Variants in DOCK8 observed in about 807,000 individuals in gnomAD.
DOCK8 encodes the protein dedicator of cytokinesis protein 8.
Under a neutral mutation model 245.6 loss-of-function variants are expected in DOCK8, and 141 were observed. That is an observed-to-expected ratio of 0.57 (90% CI 0.50 to 0.66). The LOEUF (loss-of-function observed/expected upper bound fraction) is 0.66, where lower values mean the gene tolerates loss of function less well. DOCK8 is among the 30% of genes least tolerant of loss of function. The pLI is 0.00. For synonymous variants in DOCK8, 1,168 were observed against 970.2 expected (o/e 1.20, Z -3.79); for missense variants, 2,965 against 2,603.4 (o/e 1.14, Z -3.02).
At chr9:241,841 A>G (rs973526941) in intron 1 of DOCK8, among the ~76,000 whole-genome samples, 6 of 152,134 alleles carry the variant, frequency 3.9e-5, no homozygotes, top group Non-Finnish European at 8.8e-5. Flanking sequence ...TTATTTTGTT[A>G]AAGATGGAGT....
chr9:400,827 T>TCACCACCACCTC (rs2054959026), intron 26 of DOCK8, among the ~76,000 whole-genome samples: 1 of 3,098 alleles, frequency 3.2e-4, no homozygotes, highest in Non-Finnish European at 5.3e-4. Flanking sequence ...ACCTCCACCA[T>TCACCACCACCTC]CACCATCACC....
intron 24 of DOCK8, among the ~76,000 whole-genome samples, chr9:395,158 C>T (rs1441207229): frequency 6.6e-6 from 1 of 152,104 alleles, no homozygotes; most frequent in Non-Finnish European, 1.5e-5. Context: ...CAGGTGCATG[C>T]GGCCTTGTGG....
chr9:279,165 A>C (rs527582831), intron 2 of DOCK8, among the ~76,000 whole-genome samples: 1 of 152,218 alleles, frequency 6.6e-6, no homozygotes, highest in East Asian at 1.9e-4. Flanking sequence ...CACCTGGGCA[A>C]TTGGTGGACT....
At chr9:452,367 A>G (rs1378120536) in intron 46 of DOCK8, 4 of 282,946 alleles carry the variant, frequency 1.4e-5, no homozygotes, top group African/African-American at 6.6e-5. Context: ...TGAACTACTA[A>G]TGAGTAACTA....
intron 23 of DOCK8, among the ~76,000 whole-genome samples, 200 bp from the exon 24 acceptor site, chr9:390,271 T>C (rs2054131278): frequency 6.6e-6 from 1 of 152,198 alleles, no homozygotes; most frequent in South Asian, 2.1e-4. Flanking sequence ...CCCAGCCTTC[T>C]ATGCACCGAA....
At chr9:338,970 G>A (rs775695943) in intron 12 of DOCK8, 36 bp from the exon 13 acceptor site, 1 of 1,564,884 alleles carries the variant, frequency 6.4e-7, no homozygotes, top group African/African-American at 1.3e-5. Flanking sequence ...AGAGTCAAAG[G>A]TGCATCTACA....
chr9:299,293 G>C (rs1407615723), intron 4 of DOCK8, among the ~76,000 whole-genome samples: 1 of 152,164 alleles, frequency 6.6e-6, no homozygotes, highest in Admixed American at 6.5e-5. Flanking sequence ...GAGAGTGACT[G>C]TTAAGAAACT....
chr9:312,827 A>G (rs965973068), intron 6 of DOCK8: 15 of 214,712 alleles, frequency 7.0e-5, no homozygotes, highest in African/African-American at 3.5e-4. Context: ...CTTATACTGT[A>G]TAGGAGGCTC....
At chr9:362,515 C>T (rs1448633553) in intron 14 of DOCK8, among the ~76,000 whole-genome samples, 3 of 152,166 alleles carry the variant, frequency 2.0e-5, no homozygotes, top group Non-Finnish European at 2.9e-5. Context: ...GTAGGTCATC[C>T]CTGCAACCAG....
chr9:397,807 T>C (rs1348870537), intron 25 of DOCK8, among the ~76,000 whole-genome samples: 1 of 152,206 alleles, frequency 6.6e-6, no homozygotes, highest in Non-Finnish European at 1.5e-5. Flanking sequence ...CAGAAAAAAA[T>C]GTTTTTATGT....
chr9:399,784 T>A (rs987472949), intron 26 of DOCK8, among the ~76,000 whole-genome samples: 1 of 151,956 alleles, frequency 6.6e-6, no homozygotes, highest in African/African-American at 2.4e-5. Flanking sequence ...CCCCCCAGAT[T>A]TTTAAATGGA....
chr9:448,175 C>T (rs1269107287), intron 44 of DOCK8, among the ~76,000 whole-genome samples: 1 of 152,190 alleles, frequency 6.6e-6, no homozygotes, highest in Non-Finnish European at 1.5e-5. Flanking sequence ...TCACTGCAGC[C>T]TCGACCTCCT....
chr9:333,968 C>G (rs758184824), intron 10 of DOCK8, among the ~76,000 whole-genome samples: 48 of 152,154 alleles, frequency 3.2e-4, no homozygotes, highest in Non-Finnish European at 5.9e-4. Flanking sequence ...TTTTCGTTAG[C>G]TAAAAATGTA....
rs764046452 is a variant in DOCK8, at chr9:407,019, C to A, written c.3480C>A (p.Thr1160=). 2 of 1,614,138 alleles carry A rather than the reference C, an allele frequency of 1.2e-6. No homozygotes were observed. Among genetic ancestry groups the A allele is most frequent in the Middle Eastern group, 3.3e-4 (2 of 6,062 alleles). ...TSEYRQQHFL[T]GLLFTELAAA... is the part of the protein sequence containing the mutation. ...AGTACCGCCAGCAGCACTTCCTCACCGGGCTCCTCTTCACAGAACTGGCTG... is the reference window on the plus strand; with the variant it reads ...AGTACCGCCAGCAGCACTTCCTCACAGGGCTCCTCTTCACAGAACTGGCTG... Residue 1160 remains threonine (T), a synonymous_variant, in exon 28 of 48, where the codon ACC becomes ACA. Transcript: ENST00000432829.
At chr9:233,494 G>A (rs1489587742) in intron 1 of DOCK8, among the ~76,000 whole-genome samples, 2 of 151,928 alleles carry the variant, frequency 1.3e-5, no homozygotes, top group African/African-American at 4.8e-5. Context: ...GTTGACAGTG[G>A]GGTGTTAAAG....
chr9:387,287 AC>A (rs2053995166), intron 23 of DOCK8, among the ~76,000 whole-genome samples: 1 of 152,090 alleles, frequency 6.6e-6, no homozygotes, highest in African/African-American at 2.4e-5. Context: ...TACTAAAGAT[AC>A]AAAAACTAGC....
intron 4 of DOCK8, among the ~76,000 whole-genome samples, chr9:292,320 G>C (rs36138916): frequency 2.1e-5 from 3 of 139,670 alleles, no homozygotes; most frequent in Non-Finnish European, 4.6e-5. Flanking sequence ...CTGGGAGGCA[G>C]AGGTTGTGGT....
chr9:448,979 G>A (rs1002298849), intron 44 of DOCK8, among the ~76,000 whole-genome samples: 1 of 152,210 alleles, frequency 6.6e-6, no homozygotes, highest in Non-Finnish European at 1.5e-5. Context: ...AGGCACAGGT[G>A]ATATCAAAAG....
At chr9:291,016 A>C (rs942839169) in intron 4 of DOCK8, among the ~76,000 whole-genome samples, 1 of 152,228 alleles carries the variant, frequency 6.6e-6, no homozygotes, top group African/African-American at 2.4e-5. Context: ...AATGGAAAAC[A>C]AAGTTTGCTG....
Sources: allele counts gnomAD v4.1 joint callset (sites outside exome capture counted in the v4.1 genomes callset), GRCh38; gene constraint gnomAD v4.1.1; transcripts MANE v1.5; gene names NCBI Gene and HGNC (gene_info 2026-07-23, HGNC 2026-07-21).